Variants in GNAL observed in about 807,000 individuals in gnomAD.
The protein encoded by GNAL is G protein subunit alpha L, also known as guanine nucleotide-binding protein G(olf) subunit alpha.
A neutral mutation model predicts 55.1 loss-of-function variants in GNAL; 18 were observed. The ratio of observed to expected loss-of-function variants is 0.33; its 90% confidence interval spans 0.23 to 0.48. GNAL has a LOEUF of 0.48. GNAL is among the 20% of genes least tolerant of loss of function. The probability of loss-of-function intolerance (pLI) is 0.99; values close to 1 mark genes in which losing one functional copy is unlikely to be tolerated. For missense variants in GNAL, 412 were observed against 614.1 expected (o/e 0.67, Z 3.48); for synonymous variants, 253 against 237.0 (o/e 1.07, Z -0.62).
In GNAL at chr18:11,752,359, C is replaced by A; in HGVS notation, c.377-494C>A. 6.6e-7 allele frequency: 1 copy of A among 1,516,228 alleles called. No individual in the cohort carries two copies. The highest frequency in any genetic ancestry group is 8.8e-7 in the Non-Finnish European group (1 of 1,136,190). The allele number at this position is 1,516,228 out of a possible 1,614,324, so 93.9% of individuals were successfully genotyped here. ...GGAAAGAGAGGAGCCGTCGCAGGAG[C>A]CGCACACGTCTCCAACTCTCTATTG... On this transcript the variant is annotated intron_variant, in intron 1 of 11. Coordinates refer to ENST00000334049, the MANE Select transcript of GNAL (RefSeq NM_182978.4). This position sits in a 1 kb window ranked among gnomAD's most constrained non-coding sequence, Gnocchi z 4.5.
intron 1 of GNAL, among the ~76,000 whole-genome samples, chr18:11,727,460 A>G (rs979682616): frequency 6.6e-6 from 1 of 152,244 alleles, no homozygotes; most frequent in Non-Finnish European, 1.5e-5. Context: ...TTTCCTGGGC[A>G]TGGTGGTGCC....
chr18:11,835,854 C>T (rs765311667), intron 5 of GNAL, among the ~76,000 whole-genome samples: 16 of 152,160 alleles, frequency 1.1e-4, no homozygotes, highest in Admixed American at 6.5e-4. Flanking sequence ...TTATTTAAGA[C>T]GTGCGTCCCA....
At chr18:11,770,039 A>G (rs867130651) in intron 4 of GNAL, among the ~76,000 whole-genome samples, 10 of 152,192 alleles carry the variant, frequency 6.6e-5, no homozygotes, top group Non-Finnish European at 1.3e-4. Flanking sequence ...TTTTAATTAG[A>G]TAATTCAACT....
intron 5 of GNAL, among the ~76,000 whole-genome samples, chr18:11,825,929 A>G (rs555267850): frequency 1.3e-5 from 2 of 152,300 alleles, no homozygotes; most frequent in East Asian, 3.9e-4. Flanking sequence ...TAAAAATTGT[A>G]GTTGACTAGT....
Position 11,883,343 on chromosome 18 carries a change from C to G in GNAL, c.*2208C>G, listed in dbSNP as rs373952303. 3.9e-5 allele frequency: 6 copies of G among 153,028 alleles called. 1 individual carries two copies. Among genetic ancestry groups the G allele is most frequent in the Admixed American group, 1.3e-4 (2 of 15,284 alleles). 9.5% of individuals were successfully genotyped at this position (153,028 alleles called of 1,614,324 possible). On this transcript the variant is annotated 3_prime_UTR_variant, in exon 12 of 12. Coordinates refer to ENST00000334049, the MANE Select transcript of GNAL (RefSeq NM_182978.4). The stretch of plus-strand genomic sequence containing the variant: ...CAAGAAAACTGAAAAGCTGCACCCC[C>G]AGCAAGAAAGGGAAGTATGCTGTTG...
At chr18:11,870,435 C>T (rs9947591) in intron 9 of GNAL, among the ~76,000 whole-genome samples, 6,457 of 152,128 alleles carry the variant, frequency 0.042, 439 homozygotes, top group African/African-American at 0.15. Flanking sequence ...GCAGGAGAAT[C>T]GCTTGAACCC....
chr18:11,766,759 T>TA (rs1425805131), intron 4 of GNAL, among the ~76,000 whole-genome samples: 3 of 152,140 alleles, frequency 2.0e-5, no homozygotes, highest in Non-Finnish European at 4.4e-5. Context: ...TGCAAAAATA[T>TA]AGAACGATTT....
At chr18:11,740,719 A>G (rs1351189208) in intron 1 of GNAL, among the ~76,000 whole-genome samples, 2 of 152,170 alleles carry the variant, frequency 1.3e-5, no homozygotes, top group Non-Finnish European at 2.9e-5. Context: ...CATACAATAC[A>G]TCTAAATTTG....
At position 11,885,290 on chromosome 18, in the gene GNAL, T is replaced by A. The variant is rs2037028199; in HGVS notation, c.*4155T>A. 1 of 282,316 alleles carries A rather than the reference T, an allele frequency of 3.5e-6. No individual in the cohort carries two copies. The highest frequency in any genetic ancestry group is 6.9e-6 in the Non-Finnish European group (1 of 145,572). The allele number at this position is 282,316 out of a possible 1,614,324, so 17.5% of individuals were successfully genotyped here. On this transcript the variant is annotated 3_prime_UTR_variant, in exon 12 of 12. Coordinates refer to ENST00000334049, the MANE Select transcript of GNAL (RefSeq NM_182978.4). Reference sequence around the variant, plus strand: ...ACATCTTTTATCAACCTGCAAAAGCTGCAGCGTTCTCTGCCAGGTCAAATG... The same window carrying A: ...ACATCTTTTATCAACCTGCAAAAGCAGCAGCGTTCTCTGCCAGGTCAAATG...
chr18:11,806,731 CTT>C (rs33956319), intron 4 of GNAL, among the ~76,000 whole-genome samples: 24 of 139,686 alleles, frequency 1.7e-4, no homozygotes, highest in Non-Finnish European at 2.0e-4. Flanking sequence ...GTGAAGTACT[CTT>C]TTTTTTTTTT....
intron 4 of GNAL, among the ~76,000 whole-genome samples, chr18:11,772,147 G>C (rs2033655664): frequency 6.6e-6 from 1 of 152,116 alleles, no homozygotes; most frequent in Admixed American, 6.5e-5. Flanking sequence ...ACTTGCTCCA[G>C]TGTAAAATTT....
intron 1 of GNAL, among the ~76,000 whole-genome samples, chr18:11,697,440 C>T (rs952150906): frequency 1.3e-5 from 2 of 152,052 alleles, no homozygotes; most frequent in East Asian, 3.9e-4. Flanking sequence ...TGCCTGTAAT[C>T]CCAGCTTCTC....
At chr18:11,778,042 T>A (rs1418836075) in intron 4 of GNAL, among the ~76,000 whole-genome samples, 1 of 152,184 alleles carries the variant, frequency 6.6e-6, no homozygotes, top group Non-Finnish European at 1.5e-5. Context: ...TGAGATTCCA[T>A]GGCATCACTC....
intron 4 of GNAL, among the ~76,000 whole-genome samples, chr18:11,793,348 G>A (rs1026915774): frequency 6.6e-6 from 1 of 152,156 alleles, no homozygotes; most frequent in Admixed American, 6.5e-5. Flanking sequence ...GGCTGAGGTG[G>A]GAGGATCTCT....
chr18:11,705,218 C>G (rs1193155084), intron 1 of GNAL, among the ~76,000 whole-genome samples: 1 of 152,076 alleles, frequency 6.6e-6, no homozygotes, highest in Non-Finnish European at 1.5e-5. Context: ...ATTTCTCCTT[C>G]TGTGACTGGC....
chr18:11,883,091 A>C lies in GNAL; in HGVS notation c.*1956A>C, dbSNP rs2036752519. ...TTTAGTCTTTAATATTTTAAAGTTT[A>C]CTCTATAAATCAGCATTTTGTAATC... On this transcript the variant is annotated 3_prime_UTR_variant, in exon 12 of 12. Transcript: ENST00000334049. 6.6e-6 allele frequency: 1 copy of C among 152,188 alleles called. No homozygotes were observed. The allele number at this position is 152,188 out of a possible 1,614,324, so 9.4% of individuals were successfully genotyped here.
intron 4 of GNAL, among the ~76,000 whole-genome samples, chr18:11,785,134 T>A (rs59099814): frequency 9.2e-5 from 14 of 152,240 alleles, no homozygotes; most frequent in African/African-American, 3.4e-4. Context: ...CACCTGTCTT[T>A]CCCCTACCTC....
chr18:11,738,740 C>T (rs373945367), intron 1 of GNAL, among the ~76,000 whole-genome samples: 31 of 152,254 alleles, frequency 2.0e-4, no homozygotes, highest in East Asian at 1.4e-3. Flanking sequence ...TGAGCCACCA[C>T]GCCCAGCCAA....
intron 1 of GNAL, chr18:11,746,675 A>C (rs1447715770): frequency 2.0e-5 from 5 of 253,574 alleles, no homozygotes; most frequent in Admixed American, 4.5e-5. Context: ...GACAGACAGA[A>C]GGATAGGCTC....
Sources: gnomAD v4.1 joint callset for allele counts (sites outside exome capture counted in the v4.1 genomes callset) on GRCh38, gnomAD v4.1.1 for gene constraint, Gnocchi (gnomAD v3.1) non-coding constraint, MANE v1.5 for transcripts, NCBI Gene and HGNC (gene_info 2026-07-23, HGNC 2026-07-21) for gene names.